SLC30A6: variants seen among roughly 807,000 people sequenced by gnomAD.
SLC30A6 encodes the protein solute carrier family 30 member 6.
SLC30A6 carries 55 observed loss-of-function variants against 63.0 expected under a neutral mutation model. The ratio of observed to expected loss-of-function variants is 0.87; its 90% CI spans 0.70 to 1.09. The LOEUF (loss-of-function observed/expected upper bound fraction) is 1.09, where lower values mean the gene tolerates loss of function less well. Among genes scored for constraint, SLC30A6 ranks in the 50% least tolerant of loss-of-function variants. The pLI, the probability that SLC30A6 is intolerant of heterozygous loss-of-function variation, is 0.00. For synonymous variants in SLC30A6, 224 were observed against 186.1 expected, an observed-to-expected ratio of 1.20 and a Z score of -1.66; for missense variants, 587 against 549.2, an observed-to-expected ratio of 1.07 and a Z score of -0.69.
chr2:32,170,104 C>G, intron 1 of SLC30A6, among the ~76,000 whole-genome samples: 1 of 151,930 alleles, frequency 6.6e-6, no homozygotes, highest in East Asian at 1.9e-4. Flanking sequence ...ATAGTAAAAT[C>G]AATCAATTTT....
rs1356660843 is a variant in SLC30A6 at position 32,180,012 on chromosome 2, C to G, written c.219-4261C>G. On this transcript the variant is annotated intron_variant, in intron 4 of 13. Transcript: ENST00000282587. ...GTGTCTCATGCCTGTAATCCTAGTGCTTTGGGAGGCTGAGGCAGGAGGACA... is the reference window on the plus strand; with the variant it reads ...GTGTCTCATGCCTGTAATCCTAGTGGTTTGGGAGGCTGAGGCAGGAGGACA... Among the ~76,000 whole-genome samples, 3 of 152,140 alleles carry G rather than the reference C, an allele frequency of 2.0e-5. No homozygotes were observed. The East Asian group carries it at 5.8e-4, about 29-fold the overall frequency.
intron 5 of SLC30A6, among the ~76,000 whole-genome samples, chr2:32,191,351 T>A (rs1394966935): frequency 6.6e-6 from 1 of 152,228 alleles, no homozygotes; most frequent in Non-Finnish European, 1.5e-5. Context: ...AATGTTCTAT[T>A]GTTGATTCCA....
At chr2:32,211,214 G>A (rs953924638) in intron 13 of SLC30A6, among the ~76,000 whole-genome samples, 6 of 152,146 alleles carry the variant, frequency 3.9e-5, no homozygotes, top group Non-Finnish European at 5.9e-5. Context: ...TTCGGGCAGC[G>A]GACATACATC....
chr2:32,184,804 T>C (rs953339003), intron 5 of SLC30A6, among the ~76,000 whole-genome samples: 9 of 152,020 alleles, frequency 5.9e-5, no homozygotes, highest in African/African-American at 2.2e-4. Flanking sequence ...AACATAAATA[T>C]TTAAGGTATA....
chr2:32,167,250 T>G (rs1329867076), intron 1 of SLC30A6, among the ~76,000 whole-genome samples: 1 of 152,152 alleles, frequency 6.6e-6, no homozygotes, highest in East Asian at 1.9e-4. Context: ...TAATTTTGTA[T>G]TTTTAGTAGA....
intron 13 of SLC30A6, among the ~76,000 whole-genome samples, chr2:32,215,308 C>G (rs1685599911): frequency 6.6e-6 from 1 of 151,974 alleles, no homozygotes. Flanking sequence ...CATCCTCACA[C>G]CTCAGCCTCC....
chr2:32,201,585 C>A, intron 10 of SLC30A6: 1 of 1,422,366 alleles, frequency 7.0e-7, no homozygotes, highest in Non-Finnish European at 9.5e-7. Flanking sequence ...CGGAGGGAGG[C>A]AGCAGTGGCC....
intron 5 of SLC30A6, among the ~76,000 whole-genome samples, chr2:32,188,244 A>G (rs928890723): frequency 6.6e-6 from 1 of 152,170 alleles, no homozygotes; most frequent in Non-Finnish European, 1.5e-5. Flanking sequence ...TGTTACTCAT[A>G]TCTTAATATC....
Position 32,206,894 on chromosome 2 carries a change from A to G in SLC30A6, c.777A>G (p.Pro259=), listed in dbSNP as rs1410709347. ...YSGKVLLQTT[P]PHVIGQLDKL... Reference sequence around the variant, plus strand: ...ATTGTATTTTTCCCCAGACAACACCACCCCATGTTATTGGTCAGTTGGACA... The same window carrying G: ...ATTGTATTTTTCCCCAGACAACACCGCCCCATGTTATTGGTCAGTTGGACA... Residue 259 remains proline (P), a synonymous_variant, in exon 12 of 14, where the codon CCA becomes CCG. Transcript: ENST00000282587. 6.2e-7 allele frequency: 1 copy of G among 1,611,736 alleles called. No homozygotes were observed. The highest frequency in any genetic ancestry group is 1.1e-5 in the South Asian group (1 of 91,010).
At chr2:32,204,087 G>A in intron 10 of SLC30A6, 1 of 505,902 alleles carries the variant, frequency 2.0e-6, no homozygotes, top group Non-Finnish European at 3.5e-6. Context: ...CATCATAGTT[G>A]AGGTATGTGT....
chr2:32,201,461 C>A, intron 10 of SLC30A6: 1 of 418,794 alleles, frequency 2.4e-6, no homozygotes. Flanking sequence ...TTCCATTAGT[C>A]TTTCTGTATC....
intron 5 of SLC30A6, among the ~76,000 whole-genome samples, chr2:32,191,008 A>C (rs899612577): frequency 6.6e-6 from 1 of 152,124 alleles, no homozygotes; most frequent in Non-Finnish European, 1.5e-5. Flanking sequence ...TTTCTGTACA[A>C]TTTGGTGTAT....
intron 2 of SLC30A6, among the ~76,000 whole-genome samples, chr2:32,171,861 T>A (rs1362272189): frequency 6.6e-6 from 1 of 151,940 alleles, no homozygotes; most frequent in Non-Finnish European, 1.5e-5. Context: ...CCCGGCTAAT[T>A]TTTTGTATTT....
chr2:32,174,110 C>T lies in SLC30A6; in HGVS notation c.138C>T (p.Gly46=). 2 of 1,613,732 alleles carry T rather than the reference C, an allele frequency of 1.2e-6. No individual in the cohort carries two copies. Among genetic ancestry groups the T allele is most frequent in the Non-Finnish European group, 1.7e-6 (2 of 1,179,798 alleles). The change falls in exon 3 of 14, where the codon GGC becomes GGT. Residue 46 remains glycine, a synonymous_variant. Coordinates refer to ENST00000282587, the MANE Select transcript of SLC30A6 (RefSeq NM_017964.5). The stretch of plus-strand genomic sequence containing the variant: ...GTGTAATAAACTTGATATGTACTGG[C>T]TTCCTGCTTATGTGGTGCAGTTCTA... ...LFGVINLICT[G]FLLMWCSSTN...
chr2:32,176,261 T>A (rs1573252272), intron 4 of SLC30A6, among the ~76,000 whole-genome samples: 1 of 152,322 alleles, frequency 6.6e-6, no homozygotes, highest in East Asian at 1.9e-4. Context: ...TTAAAATTAC[T>A]CTGAGATGCT....
At chr2:32,194,969 C>T (rs1478971507) in intron 8 of SLC30A6, among the ~76,000 whole-genome samples, 5 of 152,122 alleles carry the variant, frequency 3.3e-5, no homozygotes, top group Non-Finnish European at 2.9e-5. Flanking sequence ...AATAAGACTA[C>T]TGATAATCTT....
chr2:32,174,886 T>C (rs1231163487), intron 3 of SLC30A6, among the ~76,000 whole-genome samples: 2 of 152,208 alleles, frequency 1.3e-5, no homozygotes. Flanking sequence ...ATTAAAACTT[T>C]AATTTATGCA....
At chr2:32,166,789 C>A (rs765851550) in intron 1 of SLC30A6, among the ~76,000 whole-genome samples, 1 of 152,208 alleles carries the variant, frequency 6.6e-6, no homozygotes, top group Non-Finnish European at 1.5e-5. Context: ...ATGCCTCATT[C>A]ACACACTTTA....
At chr2:32,196,785 G>A (rs1683828370) in intron 8 of SLC30A6, among the ~76,000 whole-genome samples, 1 of 152,168 alleles carries the variant, frequency 6.6e-6, no homozygotes, top group African/African-American at 2.4e-5. Context: ...GAACTGCTGG[G>A]CATGGTGGCT....
Sources: allele counts gnomAD v4.1 joint callset (sites outside exome capture counted in the v4.1 genomes callset), GRCh38; gene constraint gnomAD v4.1.1; transcripts MANE v1.5; gene names NCBI Gene and HGNC (gene_info 2026-07-23, HGNC 2026-07-21).